Variants in CHM observed in about 807,000 individuals in gnomAD.
CHM encodes the protein CHM Rab escort protein, also known as rab proteins geranylgeranyltransferase component A 1.
A neutral mutation model predicts 49.0 loss-of-function variants in CHM; 10 were observed. The ratio of observed to expected loss-of-function variants is 0.20; its 90% confidence interval spans 0.13 to 0.35. The LOEUF (loss-of-function observed/expected upper bound fraction) is 0.35. Among genes scored for constraint, CHM ranks in the 10% least tolerant of loss-of-function variants. CHM has a pLI of 1.00. For synonymous variants in CHM, 184 were observed against 167.5 expected, an observed-to-expected ratio of 1.10 and a Z score of -0.76; for missense variants, 455 against 478.4, an observed-to-expected ratio of 0.95 and a Z score of 0.46.
intron 1 of CHM, among the ~76,000 whole-genome samples, chrX:86,035,223 G>A (rs1934190249): frequency 8.9e-6 from 1 of 111,901 alleles, no homozygotes; most frequent in Non-Finnish European, 1.9e-5. Context: ...TTAAAAATGA[G>A]CAACGCAAAA....
At chrX:85,903,364 C>T (rs1015907306) in intron 9 of CHM, among the ~76,000 whole-genome samples, 2 of 110,672 alleles carry the variant, frequency 1.8e-5, no homozygotes, top group Non-Finnish European at 3.8e-5. Context: ...AAAGGGTTCC[C>T]ATTTAAACTG....
chrX:85,869,912 T>C (rs1387550586), intron 14 of CHM, among the ~76,000 whole-genome samples: 1 of 112,434 alleles, frequency 8.9e-6, no homozygotes, highest in African/African-American at 3.2e-5. Context: ...ACAAAGTGAA[T>C]TATTTAAAAT....
At chrX:86,046,693 T>C (rs1037256468) in intron 1 of CHM, among the ~76,000 whole-genome samples, 2 of 112,027 alleles carry the variant, frequency 1.8e-5, no homozygotes, top group African/African-American at 6.5e-5. Flanking sequence ...ATATGTGTTC[T>C]GCTACGTGTT....
Position 86,046,812 on chromosome X carries a change from C to CT in CHM, c.49+671dup, listed in dbSNP as rs1473394966. On this transcript the variant is annotated intron_variant, in intron 1 of 14. Transcript: ENST00000357749. ...AGTTAGATAAGGTCACACACCTGAA[C>CT]TGGAACTCAGGACCTTATTCTCAGC... is the stretch of plus-strand genomic sequence containing the variant. 5.6e-4 allele frequency among the ~76,000 whole-genome samples: 63 copies of CT among 111,795 alleles called. 1 individual carries two copies. The highest frequency in any genetic ancestry group is 5.6e-3 in the Admixed American group (59 of 10,573).
Position 86,026,102 on chromosome X carries a change from C to CTTTTTTTTTTTTTTT in CHM, c.116+1374_116+1388dup, listed in dbSNP as rs1167691945. The stretch of plus-strand genomic sequence containing the variant: ...CTGGGCTTTCAAGGTAGCAGATTTT[C>CTTTTTTTTTTTTTTT]TTTTTTTTTTTTTTTTTTTTTTTTT... On this transcript the variant is annotated intron_variant, in intron 2 of 14. Transcript: ENST00000357749. Among the ~76,000 whole-genome samples the CTTTTTTTTTTTTTTT allele has an allele frequency of 4.5e-4, 12 of 26,761 alleles. 3 individuals are homozygous for CTTTTTTTTTTTTTTT. Among genetic ancestry groups the CTTTTTTTTTTTTTTT allele is most frequent in the African/African-American group, 7.9e-4 (7 of 8,857 alleles). The allele number at this position is 26,761 out of a possible 115,157, so 23.2% of individuals were successfully genotyped here.
chrX:85,953,291 A>G (rs374353476), intron 8 of CHM, among the ~76,000 whole-genome samples: 1 of 112,086 alleles, frequency 8.9e-6, no homozygotes, highest in East Asian at 2.8e-4. Flanking sequence ...AAAGAAATGG[A>G]AAACTATTCC....
At chrX:85,973,262 G>T (rs1384795963) in intron 4 of CHM, among the ~76,000 whole-genome samples, 1 of 79,204 alleles carries the variant, frequency 1.3e-5, no homozygotes, top group African/African-American at 5.2e-5. Flanking sequence ...TCACGCCACT[G>T]CACTCCAGTG....
At chrX:86,047,077 T>C (rs113959555) in intron 1 of CHM, among the ~76,000 whole-genome samples, 1 of 111,207 alleles carries the variant, frequency 9.0e-6, no homozygotes, top group Non-Finnish European at 1.9e-5. Context: ...AAAAGTCCTA[T>C]GAAATGGCGA....
chrX:85,981,516 G>A (rs1173161382), intron 3 of CHM, among the ~76,000 whole-genome samples: 1 of 111,021 alleles, frequency 9.0e-6, no homozygotes, highest in Non-Finnish European at 1.9e-5. Flanking sequence ...TTACAGGCAT[G>A]AGCCATCGCA....
At chrX:85,932,597 T>C (rs774257286) in intron 8 of CHM, among the ~76,000 whole-genome samples, 1 of 112,418 alleles carries the variant, frequency 8.9e-6, no homozygotes, top group South Asian at 3.7e-4. Flanking sequence ...ACTTGATTTA[T>C]CTGTACAATA....
chrX:85,884,399 G>A (rs182311165), intron 12 of CHM, among the ~76,000 whole-genome samples: 1 of 110,832 alleles, frequency 9.0e-6, no homozygotes. Context: ...ACGGTCCTGA[G>A]GCAGATAGTA....
chrX:86,003,325 A>T (rs1932785702), intron 2 of CHM, among the ~76,000 whole-genome samples: 1 of 112,403 alleles, frequency 8.9e-6, no homozygotes, highest in Admixed American at 9.4e-5. Context: ...GAAAAGCTGA[A>T]AATTCTAAAA....
intron 8 of CHM, among the ~76,000 whole-genome samples, chrX:85,919,246 A>C (rs989559335): frequency 8.9e-6 from 1 of 111,879 alleles, no homozygotes; most frequent in African/African-American, 3.2e-5. Context: ...ATAAGGTTAA[A>C]ACTATATACA....
intron 4 of CHM, 85 bp downstream of exon 4, chrX:85,978,682 C>T: frequency 1.0e-6 from 1 of 990,451 alleles, no homozygotes; most frequent in Admixed American, 2.3e-5. Flanking sequence ...CAACCAATGC[C>T]ACATAAATCT....
At chrX:85,972,374 G>A (rs888560680) in intron 4 of CHM, among the ~76,000 whole-genome samples, 1 of 113,550 alleles carries the variant, frequency 8.8e-6, no homozygotes, top group African/African-American at 3.2e-5. Flanking sequence ...CTCAGCCCTT[G>A]GGCGGTTGAT....
intron 8 of CHM, among the ~76,000 whole-genome samples, chrX:85,919,563 ATGATT>A (rs781526811): frequency 3.1e-4 from 34 of 111,097 alleles, no homozygotes; most frequent in South Asian, 2.3e-3. Flanking sequence ...TTTCAACAAT[ATGATT>A]TATTAACAGT....
chrX:85,959,328 T>C (rs1930172470), intron 5 of CHM, among the ~76,000 whole-genome samples: 1 of 111,586 alleles, frequency 9.0e-6, no homozygotes, highest in Admixed American at 9.6e-5. Context: ...CTGCTAATAA[T>C]TTAACCTAAC....
chrX:85,870,655 C>T (rs936238867), intron 14 of CHM, among the ~76,000 whole-genome samples: 4 of 111,630 alleles, frequency 3.6e-5, no homozygotes, highest in African/African-American at 1.3e-4. Context: ...TCCATCAGTA[C>T]GTTTGGGTAA....
intron 8 of CHM, among the ~76,000 whole-genome samples, chrX:85,934,299 T>G (rs1257605282): frequency 3.9e-5 from 4 of 103,212 alleles, no homozygotes; most frequent in African/African-American, 1.1e-4. Flanking sequence ...TTTTTTTTTT[T>G]TTTTTTAGGG....
Sources: allele counts gnomAD v4.1 joint callset (sites outside exome capture counted in the v4.1 genomes callset), GRCh38; gene constraint gnomAD v4.1.1; transcripts MANE v1.5; gene names NCBI Gene and HGNC (gene_info 2026-07-23, HGNC 2026-07-21).